The following SLC15A5 variants were observed in gnomAD, a reference collection of about 807,000 sequenced individuals.
SLC15A5 encodes the protein solute carrier family 15 member 5, also known as Peptide/histidine transporter ENSP00000340402.
Under a neutral mutation model 56.1 loss-of-function variants are expected in SLC15A5, and 58 were observed. That is an observed-to-expected ratio of 1.03 (90% CI 0.84 to 1.29). The LOEUF is 1.29. Ranked by LOEUF, SLC15A5 falls within the 50% of genes most tolerant of loss-of-function variation. The pLI is 0.00. For synonymous variants in SLC15A5, 264 were observed against 250.5 expected (o/e 1.05, Z -0.51); for missense variants, 681 against 672.1 (o/e 1.01, Z -0.15).
intron 3 of SLC15A5, among the ~76,000 whole-genome samples, chr12:16,253,076 C>T (rs1352393626): frequency 6.6e-6 from 1 of 152,024 alleles, no homozygotes; most frequent in Non-Finnish European, 1.5e-5. Flanking sequence ...CGGGGTAAAT[C>T]GGATATCCAC....
chr12:16,257,851 G>C lies in SLC15A5; in HGVS notation c.604C>G (p.Leu202Val). The change falls in exon 3 of 9, where the codon CTA becomes GTA. Residue 202 changes from leucine (L) to valine (V), a missense_variant. Leu to Val is a conservative substitution (Grantham distance 32). Transcript: ENST00000344941. The part of the protein sequence containing the change: ...FFNWFYWLMN[L>V]NATIVFLGIS... The stretch of plus-strand genomic sequence containing the variant: ...CCCAGAAACACAATAGTTGCATTTA[G>C]GTTCATGAGCCAATAAAACCTGGGG... 6.0e-6 allele frequency: 9 copies of C among 1,497,718 alleles called. No individual in the cohort carries two copies. The highest frequency in any genetic ancestry group is 7.9e-6 in the Non-Finnish European group (9 of 1,133,288). The allele number at this position is 1,497,718 out of a possible 1,614,324, so 92.8% of individuals were successfully genotyped here. A position where few individuals can be genotyped will look rare whatever the true frequency, so the allele number is the denominator to read the frequency against.
intron 7 of SLC15A5, among the ~76,000 whole-genome samples, chr12:16,199,354 A>G (rs1863928355): frequency 6.7e-6 from 1 of 149,926 alleles, no homozygotes; most frequent in African/African-American, 2.5e-5. Context: ...ATCTCATACT[A>G]TTTAGAGTAA....
intron 6 of SLC15A5, among the ~76,000 whole-genome samples, chr12:16,221,659 G>A (rs895232596): frequency 2.0e-5 from 3 of 152,148 alleles, no homozygotes; most frequent in African/African-American, 7.2e-5. Context: ...GGGAATGATA[G>A]AACTTATGTT....
At chr12:16,270,015 T>TG (rs1864733946) in intron 2 of SLC15A5, among the ~76,000 whole-genome samples, 1 of 152,212 alleles carries the variant, frequency 6.6e-6, no homozygotes, top group Admixed American at 6.5e-5. Flanking sequence ...GGCTCTGATC[T>TG]GGATAATGAC....
At chr12:16,276,376 A>G (rs937523013) in intron 1 of SLC15A5, among the ~76,000 whole-genome samples, 47 of 152,012 alleles carry the variant, frequency 3.1e-4, no homozygotes, top group Non-Finnish European at 1.3e-4. Flanking sequence ...ACAGCATGCT[A>G]TATTCCCAAG....
In SLC15A5 at chr12:16,271,493, A is replaced by G. The variant is rs1219006463; in HGVS notation, c.584+1068T>C. Among the ~76,000 whole-genome samples the G allele has an allele frequency of 6.6e-6, 1 of 152,170 alleles. No individual in the cohort carries two copies. The highest frequency in any genetic ancestry group is 1.5e-5 in the Non-Finnish European group (1 of 68,022). ...TCCCTTCTACCTTTGGTAAGACTGC[A>G]TTGTTCTCTGACATTAGGACTTAAT... On this transcript the variant is annotated intron_variant, in intron 2 of 8. Transcript: ENST00000344941. This position sits in a 1 kb window ranked among gnomAD's most constrained non-coding sequence, Gnocchi z 8.0.
At chr12:16,276,312 C>A (rs1214288490) in intron 1 of SLC15A5, among the ~76,000 whole-genome samples, 2 of 152,028 alleles carry the variant, frequency 1.3e-5, no homozygotes, top group African/African-American at 2.4e-5. Context: ...CCATCTCTTT[C>A]TCATCTGTCC....
intron 6 of SLC15A5, among the ~76,000 whole-genome samples, chr12:16,218,938 T>C (rs760554929): frequency 1.2e-4 from 19 of 152,194 alleles, no homozygotes; most frequent in Non-Finnish European, 2.6e-4. Context: ...ACACATGATG[T>C]AAATGTATTA....
rs1565657643 is a variant in SLC15A5 at position 16,205,598 on chromosome 12, C to CACACACACATAT, written c.1484-11146_1484-11145insATATGTGTGTGT. On this transcript the variant is annotated intron_variant, in intron 7 of 8. Transcript: ENST00000344941. ...AAAGGTGCATATATATATACATATA[C>CACACACACATAT]ACACACACACACATATATATACACA... Among the ~76,000 whole-genome samples the CACACACACATAT allele has an allele frequency of 3.1e-4, 18 of 57,720 alleles. 2 individuals carry two copies. The highest frequency in any genetic ancestry group is 5.0e-4 in the Non-Finnish European group (15 of 29,934). 37.9% of individuals were successfully genotyped at this position (57,720 alleles called of 152,430 possible).
At chr12:16,204,023 G>GA (rs1210482886) in intron 7 of SLC15A5, among the ~76,000 whole-genome samples, 3 of 151,958 alleles carry the variant, frequency 2.0e-5, no homozygotes, top group East Asian at 1.9e-4. Context: ...TTTATATGAA[G>GA]AAAAAACCTT....
Position 16,217,031 on chromosome 12 carries a change from G to A in SLC15A5, c.1352-7C>T. The A allele has an allele frequency of 1.3e-6, 2 of 1,527,082 alleles. No individual in the cohort carries two copies. Among genetic ancestry groups the A allele is most frequent in the Admixed American group, 2.1e-5 (1 of 48,038 alleles). 94.6% of individuals were successfully genotyped at this position (1,527,082 alleles called of 1,614,324 possible). ...CTGTATGATATTACAGAGACTGAGA[G>A]AAAAAGAGAGGTCAGAATTTAGAAC... On this transcript the variant is annotated splice_region_variant and splice_polypyrimidine_tract_variant and intron_variant, in intron 6 of 8. Coordinates refer to ENST00000344941, the MANE Select transcript of SLC15A5 (RefSeq NM_001170798.1).
chr12:16,217,731 T>A (rs1433714385), intron 6 of SLC15A5, among the ~76,000 whole-genome samples: 1 of 152,108 alleles, frequency 6.6e-6, no homozygotes, highest in Non-Finnish European at 1.5e-5. Context: ...AGTTCCTACT[T>A]GTGCAGGCAC....
intron 5 of SLC15A5, among the ~76,000 whole-genome samples, chr12:16,232,473 G>A (rs1864308184): frequency 6.6e-6 from 1 of 152,084 alleles, no homozygotes; most frequent in Admixed American, 6.5e-5. Flanking sequence ...TTTTCTAATT[G>A]AAAGAGCCCA....
intron 2 of SLC15A5, among the ~76,000 whole-genome samples, chr12:16,266,466 G>A (rs1361280221): frequency 6.6e-6 from 1 of 152,122 alleles, no homozygotes; most frequent in African/African-American, 2.4e-5. Context: ...TTATAGTACT[G>A]AATATGTATG....
At chr12:16,217,164 C>CTA in intron 6 of SLC15A5, 140 bp from the exon 7 acceptor site, 1 of 823,186 alleles carries the variant, frequency 1.2e-6, no homozygotes, top group Non-Finnish European at 1.8e-6. Flanking sequence ...GTTAAGGTTA[C>CTA]TATAGTAAGA....
chr12:16,220,238 A>G (rs556525241), intron 6 of SLC15A5, among the ~76,000 whole-genome samples: 26 of 152,130 alleles, frequency 1.7e-4, no homozygotes, highest in Admixed American at 2.6e-4. Context: ...ATCAGACTAT[A>G]TCATCTACTT....
chr12:16,222,231 A>C (rs1355241796), intron 6 of SLC15A5, among the ~76,000 whole-genome samples: 1 of 152,210 alleles, frequency 6.6e-6, no homozygotes, highest in Non-Finnish European at 1.5e-5. Context: ...AGAAAAGCCC[A>C]GAAATGAGGA....
At chr12:16,264,683 A>AT (rs1454746259) in intron 2 of SLC15A5, among the ~76,000 whole-genome samples, 7 of 152,188 alleles carry the variant, frequency 4.6e-5, no homozygotes, top group Admixed American at 4.6e-4. Flanking sequence ...TGATAGAATC[A>AT]TGGGGGCACA....
intron 7 of SLC15A5, among the ~76,000 whole-genome samples, chr12:16,202,402 T>C (rs1863966836): frequency 2.0e-5 from 3 of 152,098 alleles, no homozygotes; most frequent in African/African-American, 7.2e-5. Flanking sequence ...CAATGAGATA[T>C]CACTTCACAC....
Sources: allele counts gnomAD v4.1 joint callset (sites outside exome capture counted in the v4.1 genomes callset), GRCh38; gene constraint gnomAD v4.1.1; non-coding constraint Gnocchi (gnomAD v3.1); transcripts MANE v1.5; gene names NCBI Gene and HGNC (gene_info 2026-07-23, HGNC 2026-07-21).